ZC3H11C: variants seen among roughly 807,000 people sequenced by gnomAD.
ZC3H11C encodes the protein zinc finger CCCH-type containing 11C.
chr6:65,302,086 T>C, the ZC3H11C span, among the ~76,000 whole-genome samples: 1 of 152,286 alleles, frequency 6.6e-6, no homozygotes, highest in Non-Finnish European at 1.5e-5. Context: ...AGTTCATCTT[T>C]AAATGAACTC....
chr6:65,306,043 T>C, the ZC3H11C span, among the ~76,000 whole-genome samples: 1 of 152,232 alleles, frequency 6.6e-6, no homozygotes. Context: ...TCATATCACC[T>C]CAAGGTTTAG....
At chr6:65,301,794 T>G in the ZC3H11C span, among the ~76,000 whole-genome samples, 6 of 152,160 alleles carry the variant, frequency 3.9e-5, no homozygotes, top group African/African-American at 1.4e-4. Flanking sequence ...CCATAATTGG[T>G]GCGGATTCCT....
chr6:65,306,556 A>G, the ZC3H11C span, among the ~76,000 whole-genome samples: 1 of 152,284 alleles, frequency 6.6e-6, no homozygotes, highest in Non-Finnish European at 1.5e-5. Context: ...TTTTTAAAAA[A>G]TAAACTGGTA....
chr6:65,305,978 C>T, the ZC3H11C span, among the ~76,000 whole-genome samples: 3 of 152,140 alleles, frequency 2.0e-5, no homozygotes, highest in South Asian at 2.1e-4. Context: ...TATTGTATAC[C>T]TGCCAGTTTT....
the ZC3H11C span, chr6:65,302,907 C>G: frequency 6.2e-7 from 1 of 1,613,792 alleles, no homozygotes; most frequent in Non-Finnish European, 8.5e-7. Context: ...TCTGTCCAGT[C>G]CAATCCTTCC....
At chr6:65,306,375 T>C in the ZC3H11C span, among the ~76,000 whole-genome samples, 1 of 152,146 alleles carries the variant, frequency 6.6e-6, no homozygotes. Context: ...AATTTATGTA[T>C]CGACACACCT....
At chr6:65,302,215 G>A in the ZC3H11C span, among the ~76,000 whole-genome samples, 1 of 152,218 alleles carries the variant, frequency 6.6e-6, no homozygotes, top group African/African-American at 2.4e-5. Flanking sequence ...CACATGCTGT[G>A]TTTGAATTGT....
the ZC3H11C span, among the ~76,000 whole-genome samples, chr6:65,301,891 A>G: frequency 6.6e-6 from 1 of 152,240 alleles, no homozygotes; most frequent in Non-Finnish European, 1.5e-5. Flanking sequence ...AGAGATAGTG[A>G]TGCTTTTTAG....
the ZC3H11C span, among the ~76,000 whole-genome samples, chr6:65,301,607 C>T: frequency 6.6e-6 from 1 of 152,254 alleles, no homozygotes. Flanking sequence ...TACTTTGGAG[C>T]TTGTCTCAAA....
the ZC3H11C span, among the ~76,000 whole-genome samples, chr6:65,302,315 A>C: frequency 1.3e-5 from 2 of 152,208 alleles, no homozygotes; most frequent in African/African-American, 4.8e-5. Flanking sequence ...TTCGACCTAC[A>C]GGCGTAATAG....
At chr6:65,302,408 AGTT>A in the ZC3H11C span, 1 of 652,864 alleles carries the variant, frequency 1.5e-6, no homozygotes, top group Non-Finnish European at 2.8e-6. Context: ...TCTGTGATCA[AGTT>A]GTCATTTGGA....
chr6:65,301,830 T>A, the ZC3H11C span, among the ~76,000 whole-genome samples: 1 of 152,194 alleles, frequency 6.6e-6, no homozygotes, highest in Non-Finnish European at 1.5e-5. Flanking sequence ...ACTGTTGACA[T>A]CTTCCAGGCC....
At chr6:65,301,522 C>A in the ZC3H11C span, among the ~76,000 whole-genome samples, 2 of 152,158 alleles carry the variant, frequency 1.3e-5, no homozygotes, top group Admixed American at 1.3e-4. Context: ...GGACGACGGA[C>A]GGCAGCGGCC....
chr6:65,305,218 A>G, the ZC3H11C span, among the ~76,000 whole-genome samples: 1 of 152,068 alleles, frequency 6.6e-6, no homozygotes, highest in Non-Finnish European at 1.5e-5. Context: ...TCTCCACAAA[A>G]AAGAGACTGA....
chr6:65,306,100 ATATGTTG>A, the ZC3H11C span, among the ~76,000 whole-genome samples: 19 of 152,120 alleles, frequency 1.2e-4, no homozygotes, highest in African/African-American at 2.2e-4. Context: ...TTGAAAGGAG[ATATGTTG>A]TATATAATCA....
At chr6:65,301,868 A>C in the ZC3H11C span, among the ~76,000 whole-genome samples, 12 of 152,348 alleles carry the variant, frequency 7.9e-5, no homozygotes, top group African/African-American at 2.4e-4. Context: ...CTTGAGAAGG[A>C]GGCTGTGGAA....
chr6:65,305,664 A>T, the ZC3H11C span, among the ~76,000 whole-genome samples: 1 of 152,204 alleles, frequency 6.6e-6, no homozygotes, highest in South Asian at 2.1e-4. Context: ...TATTTCTGGG[A>T]TTCCCTGGAT....
At chr6:65,302,937 T>C in the ZC3H11C span, 1 of 1,613,282 alleles carries the variant, frequency 6.2e-7, no homozygotes, top group African/African-American at 1.3e-5. Flanking sequence ...CGGAGCGTTA[T>C]GAAAGTAGAA....
At chr6:65,302,547 AT>A in the ZC3H11C span, 76 of 941,688 alleles carry the variant, frequency 8.1e-5, no homozygotes, top group Non-Finnish European at 9.9e-5. Context: ...GAAGACTGCT[AT>A]TTTTTTTTCT....
Sources: allele counts gnomAD v4.1 joint callset (sites outside exome capture counted in the v4.1 genomes callset), GRCh38; gene constraint gnomAD v4.1.1; transcripts MANE v1.5; gene names NCBI Gene and HGNC (gene_info 2026-07-23, HGNC 2026-07-21).